LRRC4C: variants seen among roughly 807,000 people sequenced by gnomAD.
LRRC4C encodes leucine-rich repeat-containing protein 4C.
A neutral mutation model predicts 33.6 loss-of-function variants in LRRC4C; 5 were observed. The ratio of observed to expected loss-of-function variants is 0.15; its 90% CI spans 0.08 to 0.31. LRRC4C has a LOEUF of 0.31. Among genes scored for constraint, LRRC4C ranks in the 10% least tolerant of loss-of-function variants. The pLI is 1.00. For missense variants in LRRC4C, 560 were observed against 796.7 expected (o/e 0.70, Z 3.58); for synonymous variants, 329 against 302.0 (o/e 1.09, Z -0.93).
At chr11:40,990,250 TATA>T (rs1427593452) in intron 1 of LRRC4C, among the ~76,000 whole-genome samples, 1 of 138,452 alleles carries the variant, frequency 7.2e-6, no homozygotes, top group Non-Finnish European at 1.6e-5. Flanking sequence ...TATATATATA[TATA>T]TATATATATA....
chr11:41,219,582 TC>T (rs1947213264), intron 1 of LRRC4C, among the ~76,000 whole-genome samples: 1 of 152,208 alleles, frequency 6.6e-6, no homozygotes, highest in Admixed American at 6.5e-5. Flanking sequence ...TGAAGGAATT[TC>T]CATTTATTTG....
At chr11:40,289,502 C>G (rs1944053661) in intron 4 of LRRC4C, among the ~76,000 whole-genome samples, 1 of 152,102 alleles carries the variant, frequency 6.6e-6, no homozygotes, top group African/African-American at 2.4e-5. Flanking sequence ...GCATAGGGTC[C>G]TCGGCAGATT....
chr11:41,328,269 C>T (rs567968032), intron 1 of LRRC4C, among the ~76,000 whole-genome samples: 9 of 152,324 alleles, frequency 5.9e-5, no homozygotes, highest in Non-Finnish European at 1.3e-4. Context: ...ACTTCAGTCC[C>T]TGCTGGAGGA....
At chr11:41,052,235 ACT>A (rs1448065940) in intron 1 of LRRC4C, among the ~76,000 whole-genome samples, 4 of 151,976 alleles carry the variant, frequency 2.6e-5, no homozygotes, top group Admixed American at 6.6e-5. Flanking sequence ...AATATAAAAA[ACT>A]CTCTGTTTGA....
intron 3 of LRRC4C, among the ~76,000 whole-genome samples, chr11:40,599,897 TG>T (rs1317920811): frequency 6.6e-6 from 1 of 152,150 alleles, no homozygotes; most frequent in Non-Finnish European, 1.5e-5. Context: ...AAATATCCTC[TG>T]GGCACAACGG....
chr11:41,304,283 G>A (rs1183656562), intron 1 of LRRC4C, among the ~76,000 whole-genome samples: 14 of 109,294 alleles, frequency 1.3e-4, no homozygotes, highest in African/African-American at 5.0e-4. Flanking sequence ...GCCTCTGCCC[G>A]GCCGCCCCTA....
chr11:40,975,243 T>C (rs535944408), intron 1 of LRRC4C, among the ~76,000 whole-genome samples: 57 of 152,338 alleles, frequency 3.7e-4, no homozygotes, highest in African/African-American at 1.3e-3. Context: ...AAAAAGTTTG[T>C]GAATAAATAT....
chr11:40,385,891 T>TAAATAAATAAATAAATAAATAAAA lies in LRRC4C; in HGVS notation c.-269-66171_-269-66170insTTTTATTTATTTATTTATTTATTT, dbSNP rs761529340. On this transcript the variant is annotated intron_variant, in intron 3 of 6. Coordinates refer to ENST00000528697, the MANE Select transcript of LRRC4C (RefSeq NM_001258419.2). ...ATAAATAAATAAATAAATAAATAAA[T>TAAATAAATAAATAAATAAATAAAA]AAAATAAAATAAAATAAAAAAATAA... Among the ~76,000 whole-genome samples, 39 of 138,882 alleles carry TAAATAAATAAATAAATAAATAAAA rather than the reference T, an allele frequency of 2.8e-4. No homozygotes were observed. In the East Asian group the frequency reaches 6.9e-3, roughly 25 times the overall value. 91.1% of individuals were successfully genotyped at this position (138,882 alleles called of 152,430 possible). A position where few individuals can be genotyped will look rare whatever the true frequency, so the allele number is the denominator to read the frequency against.
chr11:40,415,944 T>A (rs887235408), intron 3 of LRRC4C, among the ~76,000 whole-genome samples: 1 of 152,354 alleles, frequency 6.6e-6, no homozygotes, highest in African/African-American at 2.4e-5. Flanking sequence ...TTATAACTCT[T>A]ATTTTTGCAC....
intron 3 of LRRC4C, among the ~76,000 whole-genome samples, chr11:40,381,293 G>C (rs1445182440): frequency 6.6e-6 from 1 of 150,988 alleles, no homozygotes; most frequent in Non-Finnish European, 1.5e-5. Flanking sequence ...ATCTGAGGTA[G>C]ATAATTGATT....
At chr11:41,190,291 A>T (rs1438486041) in intron 1 of LRRC4C, among the ~76,000 whole-genome samples, 1 of 152,188 alleles carries the variant, frequency 6.6e-6, no homozygotes, top group Non-Finnish European at 1.5e-5. Context: ...ATACTTGTGC[A>T]ATGTAAACAG....
At chr11:40,243,854 A>ATT (rs60367465) in intron 4 of LRRC4C, among the ~76,000 whole-genome samples, 20 of 127,382 alleles carry the variant, frequency 1.6e-4, no homozygotes, top group African/African-American at 3.8e-4. Flanking sequence ...ACACCTGGGT[A>ATT]TTTTTTTTTT....
chr11:40,409,609 C>T (rs751974135), intron 3 of LRRC4C, among the ~76,000 whole-genome samples: 3 of 151,948 alleles, frequency 2.0e-5, no homozygotes, highest in South Asian at 2.1e-4. Context: ...TTCTCACAAA[C>T]GACCAATAGG....
intron 2 of LRRC4C, among the ~76,000 whole-genome samples, chr11:40,893,798 A>G (rs938738340): frequency 6.8e-6 from 1 of 147,746 alleles, no homozygotes; most frequent in African/African-American, 2.5e-5. Flanking sequence ...TGGCCGAAAA[A>G]TGTTTTAGTT....
chr11:40,713,512 C>A (rs562316380), intron 2 of LRRC4C, among the ~76,000 whole-genome samples: 1 of 152,142 alleles, frequency 6.6e-6, no homozygotes, highest in African/African-American at 2.4e-5. Flanking sequence ...TACATTTGAA[C>A]AAGTGACACA....
At chr11:40,227,352 G>A (rs1159957872) in intron 5 of LRRC4C, among the ~76,000 whole-genome samples, 1 of 152,162 alleles carries the variant, frequency 6.6e-6, no homozygotes, top group Admixed American at 6.5e-5. Flanking sequence ...GAAGATGATT[G>A]TTATGATGAT....
At chr11:41,009,181 A>G (rs1166819112) in intron 1 of LRRC4C, among the ~76,000 whole-genome samples, 5 of 152,016 alleles carry the variant, frequency 3.3e-5, no homozygotes, top group Admixed American at 6.6e-5. Context: ...TTTCTGATAT[A>G]TGTAGTAAAT....
At chr11:40,278,621 A>G (rs1488385486) in intron 4 of LRRC4C, among the ~76,000 whole-genome samples, 1 of 152,228 alleles carries the variant, frequency 6.6e-6, no homozygotes, top group Non-Finnish European at 1.5e-5. Context: ...TGATCACTAC[A>G]GCCAGACGAT....
chr11:40,718,346 T>C (rs1041569614), intron 2 of LRRC4C, among the ~76,000 whole-genome samples: 3 of 152,102 alleles, frequency 2.0e-5, no homozygotes, highest in African/African-American at 7.2e-5. Context: ...AAAACAAAAA[T>C]TATCCATCCC....
Sources: gnomAD v4.1 joint callset for allele counts (sites outside exome capture counted in the v4.1 genomes callset) on GRCh38, gnomAD v4.1.1 for gene constraint, MANE v1.5 for transcripts, NCBI Gene and HGNC (gene_info 2026-07-23, HGNC 2026-07-21) for gene names.